Variants in ZDHHC6 observed in about 807,000 individuals in gnomAD.
The protein encoded by ZDHHC6 is palmitoyltransferase ZDHHC6.
ZDHHC6 carries 32 observed loss-of-function variants against 57.8 expected under a neutral mutation model. That is an observed-to-expected ratio of 0.55 (90% confidence interval 0.42 to 0.74). The LOEUF is 0.74. Among genes scored for constraint, ZDHHC6 ranks in the 30% least tolerant of loss-of-function variants. The pLI, the probability that ZDHHC6 is intolerant of heterozygous loss-of-function variation, is 0.00. For missense variants in ZDHHC6, 433 were observed against 500.7 expected, an observed-to-expected ratio of 0.86 and a Z score of 1.29; for synonymous variants, 128 against 158.0, an observed-to-expected ratio of 0.81 and a Z score of 1.42.
At chr10:112,426,645 T>C, downstream of ZDHHC6, 1 of 709,300 alleles carries the variant, frequency 1.4e-6, no homozygotes, top group Non-Finnish European at 2.4e-6. Flanking sequence ...TCTTTCAATA[T>C]TGGGCATATA....
At chr10:112,441,680 CTGTTTAGGGAGGTT>C (rs1272941896) in intron 4 of ZDHHC6, among the ~76,000 whole-genome samples, 2 of 152,174 alleles carry the variant, frequency 1.3e-5, no homozygotes, top group African/African-American at 4.8e-5. Flanking sequence ...CTTTCAAGGC[CTGTTTAGGGAGGTT>C]TGTGTCCCTT....
chr10:112,436,947 G>C (rs373189649), intron 6 of ZDHHC6, among the ~76,000 whole-genome samples: 1 of 152,194 alleles, frequency 6.6e-6, no homozygotes, highest in East Asian at 1.9e-4. Flanking sequence ...AACAAAAGCT[G>C]TAGAGCCAGC....
downstream of ZDHHC6, among the ~76,000 whole-genome samples, chr10:112,430,149 A>G (rs532292904): frequency 2.8e-4 from 43 of 152,366 alleles, no homozygotes; most frequent in South Asian, 8.7e-3. Context: ...TATCCCATTA[A>G]TAGGGTTAAT....
downstream of ZDHHC6, chr10:112,426,866 G>A (rs2256368): frequency 0.92 from 1,473,967 of 1,607,038 alleles, 677,299 homozygotes; most frequent in East Asian, 0.99. Context: ...ACAGGTGTGT[G>A]CTACCACTGA....
At chr10:112,431,933 A>G (rs1013089095) in intron 10 of ZDHHC6, among the ~76,000 whole-genome samples, 2 of 152,160 alleles carry the variant, frequency 1.3e-5, no homozygotes, top group African/African-American at 2.4e-5. Flanking sequence ...AGTTCCCTCA[A>G]TCAAATATAA....
intron 2 of ZDHHC6, 129 bp from the exon 3 acceptor site, chr10:112,443,735 T>C (rs1846376555): frequency 1.6e-6 from 1 of 639,626 alleles, no homozygotes; most frequent in Non-Finnish European, 2.6e-6. Context: ...CCAGTCCTCT[T>C]ATTTGAGCTA....
At position 112,443,555 on chromosome 10, in the gene ZDHHC6, A is replaced by G; in HGVS notation, c.319T>C (p.Tyr107His). The change falls in exon 3 of 11, where the codon TAC becomes CAC. Residue 107 changes from tyrosine (Y) to histidine (H), a missense_variant. Transcript: ENST00000369405. Reference sequence around the variant, plus strand: ...CAGTGATGTGAACGTGGTGCCTTGTATGCTTGGCAGACTTTACAATACTGG... The same window carrying G: ...CAGTGATGTGAACGTGGTGCCTTGTGTGCTTGGCAGACTTTACAATACTGG... ...YLQYCKVCQAYKAPRSHHCRK... is the reference protein window; with the variant it reads ...YLQYCKVCQAHKAPRSHHCRK... 1 of 1,613,916 alleles carries G rather than the reference A, an allele frequency of 6.2e-7. No individual in the cohort carries two copies. The highest frequency in any genetic ancestry group is 1.1e-5 in the South Asian group (1 of 91,048).
chr10:112,439,131 A>G (rs539004679), intron 5 of ZDHHC6, among the ~76,000 whole-genome samples: 67 of 152,238 alleles, frequency 4.4e-4, no homozygotes, highest in Non-Finnish European at 8.5e-4. Context: ...GGAGGCTGCA[A>G]TAAGCCGAGA....
At position 112,439,628 on chromosome 10, in the gene ZDHHC6, TAAAAAAAAAAAAAAAAAAAAAAA is replaced by T. The variant is rs869272293; in HGVS notation, c.681+883_681+905del. On this transcript the variant is annotated intron_variant, in intron 5 of 10. Coordinates refer to ENST00000369405, the MANE Select transcript of ZDHHC6 (RefSeq NM_022494.3). ...CTGGGTGACAGAGTGAGACTCCGTC[TAAAAAAAAAAAAAAAAAAAAAAA>T]AAAAAAAAAAAAAAAAAAGAATGAA... Among the ~76,000 whole-genome samples, 142 of 31,308 alleles carry T rather than the reference TAAAAAAAAAAAAAAAAAAAAAAA, an allele frequency of 4.5e-3. 1 individual carries two copies. The highest frequency in any genetic ancestry group is 0.018 in the African/African-American group (111 of 6,086). 20.5% of individuals were successfully genotyped at this position (31,308 alleles called of 152,430 possible). A position where few individuals can be genotyped will look rare whatever the true frequency, so the allele number is the denominator to read the frequency against.
rs1846016753 is a variant in ZDHHC6 at position 112,440,657 on chromosome 10, A to G, written c.558T>C (p.Ser186=). The G allele has an allele frequency of 1.2e-6, 2 of 1,613,728 alleles. No homozygotes were observed. The highest frequency in any genetic ancestry group is 1.7e-5 in the Admixed American group (1 of 59,984). ...FGWNTVKIDM[S]AARRDPLPIV... ...TTGGAAGAGGATCTCTCCGGGCTGCACTCATGTCGATCTTCACTGTGTTCC... is the reference window on the plus strand; with the variant it reads ...TTGGAAGAGGATCTCTCCGGGCTGCGCTCATGTCGATCTTCACTGTGTTCC... Residue 186 remains serine (S), a synonymous_variant, in exon 5 of 11, where the codon AGT becomes AGC. Coordinates refer to ENST00000369405, the MANE Select transcript of ZDHHC6 (RefSeq NM_022494.3).
At chr10:112,426,332 C>A, downstream of ZDHHC6, 1 of 1,614,082 alleles carries the variant, frequency 6.2e-7, no homozygotes, top group Non-Finnish European at 8.5e-7. Context: ...GGGTGAAGGG[C>A]TCCTTTGAGG....
chr10:112,426,991 C>T (rs989170635), downstream of ZDHHC6: 3 of 924,210 alleles, frequency 3.2e-6, no homozygotes, highest in Non-Finnish European at 5.0e-6. Flanking sequence ...TACAAAATGA[C>T]CTTTTGTAGT....
At chr10:112,426,616 G>A, downstream of ZDHHC6, 1 of 644,064 alleles carries the variant, frequency 1.6e-6, no homozygotes, top group South Asian at 2.0e-5. Context: ...ACTTAGATGT[G>A]CCTTTTCTTC....
intron 7 of ZDHHC6, 51 bp downstream of exon 7, chr10:112,434,246 G>A (rs1032034813): frequency 2.7e-6 from 4 of 1,486,342 alleles, no homozygotes; most frequent in Admixed American, 4.5e-5. Flanking sequence ...GGGGAGTTAA[G>A]GGAAAGAAGG....
downstream of ZDHHC6, chr10:112,427,326 A>G (rs561246236): frequency 1.9e-6 from 3 of 1,613,756 alleles, no homozygotes; most frequent in South Asian, 2.2e-5. Context: ...TCGGACCCAA[A>G]TTGACAGCCT....
At chr10:112,436,857 G>T (rs1230773142) in intron 6 of ZDHHC6, among the ~76,000 whole-genome samples, 1 of 152,174 alleles carries the variant, frequency 6.6e-6, no homozygotes, top group Non-Finnish European at 1.5e-5. Flanking sequence ...AACAGTCTGT[G>T]TGACAAAATG....
rs1453750465 is a variant in ZDHHC6, at chr10:112,434,480, A to G, written c.736-16T>C. 1 of 1,603,250 alleles carries G rather than the reference A, an allele frequency of 6.2e-7. No homozygotes were observed. The highest frequency in any genetic ancestry group is 8.5e-7 in the Non-Finnish European group (1 of 1,174,368). On this transcript the variant is annotated splice_polypyrimidine_tract_variant and intron_variant, in intron 6 of 10. Coordinates refer to ENST00000369405, the MANE Select transcript of ZDHHC6 (RefSeq NM_022494.3). ...GATCTTTAGCCTGTGGGTAACAAAG[A>G]TATAAGATGGCAGGTGCCTCTGTCT...
chr10:112,438,584 G>A (rs1845771500), intron 5 of ZDHHC6, among the ~76,000 whole-genome samples, 195 bp from the exon 6 acceptor site: 1 of 150,958 alleles, frequency 6.6e-6, no homozygotes, highest in Non-Finnish European at 1.5e-5. Flanking sequence ...ACTGCACCAC[G>A]GTACCTCTCC....
At chr10:112,439,137 C>T (rs937845311) in intron 5 of ZDHHC6, among the ~76,000 whole-genome samples, 85 of 152,162 alleles carry the variant, frequency 5.6e-4, no homozygotes, top group African/African-American at 2.0e-3. Context: ...TGCAATAAGC[C>T]GAGATCGTGC....
Sources: allele counts gnomAD v4.1 joint callset (sites outside exome capture counted in the v4.1 genomes callset), GRCh38; gene constraint gnomAD v4.1.1; transcripts MANE v1.5; gene names NCBI Gene and HGNC (gene_info 2026-07-23, HGNC 2026-07-21).